ZNF827: variants seen among roughly 807,000 people sequenced by gnomAD.
ZNF827 encodes zinc finger protein 827.
ZNF827 carries 13 observed loss-of-function variants against 102.4 expected under a neutral mutation model. The ratio of observed to expected loss-of-function variants is 0.13; its 90% CI spans 0.08 to 0.20. The LOEUF (loss-of-function observed/expected upper bound fraction) is 0.20. Among genes scored for constraint, ZNF827 ranks in the 10% least tolerant of loss-of-function variants. The pLI is 1.00. For synonymous variants in ZNF827, 523 were observed against 536.2 expected (o/e 0.98, Z 0.34); for missense variants, 1,103 against 1,344.4 (o/e 0.82, Z 2.81).
chr4:145,784,829 G>C (rs1738616165), intron 8 of ZNF827, among the ~76,000 whole-genome samples: 1 of 151,916 alleles, frequency 6.6e-6, no homozygotes, highest in African/African-American at 2.4e-5. Context: ...ATTTCTTTTT[G>C]AAATACTTGT....
chr4:145,781,712 A>T (rs1444171760), intron 8 of ZNF827, among the ~76,000 whole-genome samples: 1 of 152,256 alleles, frequency 6.6e-6, no homozygotes, highest in Non-Finnish European at 1.5e-5. Context: ...GAGTCCACGC[A>T]GTGGGCATTT....
At chr4:145,786,597 G>C (rs1158022148) in intron 8 of ZNF827, among the ~76,000 whole-genome samples, 2 of 152,126 alleles carry the variant, frequency 1.3e-5, no homozygotes, top group East Asian at 1.9e-4. Flanking sequence ...AACCTACCAG[G>C]TCATTTTCCA....
At chr4:145,864,376 G>A (rs891650530) in intron 5 of ZNF827, among the ~76,000 whole-genome samples, 1 of 142,778 alleles carries the variant, frequency 7.0e-6, no homozygotes, top group African/African-American at 2.6e-5. Flanking sequence ...CTTGAGGCCA[G>A]GAGTTCAAGA....
chr4:145,897,962 C>G (rs1045994440), intron 2 of ZNF827, among the ~76,000 whole-genome samples: 1 of 152,120 alleles, frequency 6.6e-6, no homozygotes, highest in Non-Finnish European at 1.5e-5. Flanking sequence ...CGAGACCAGC[C>G]TTACTAACAT....
chr4:145,849,587 C>CAA, intron 5 of ZNF827, 26 bp from the exon 6 acceptor site: 1 of 1,610,574 alleles, frequency 6.2e-7, no homozygotes, highest in South Asian at 1.1e-5. Context: ...TGAAGAGAAA[C>CAA]AAAAACACCA....
At position 145,902,775 on chromosome 4, in the gene ZNF827, G is replaced by C. The variant is rs1210543246; in HGVS notation, c.484C>G (p.His162Asp). The change falls in exon 2 of 15, where the codon CAC becomes GAC. Residue 162 changes from histidine to aspartate, a missense_variant. Transcript: ENST00000508784. The surrounding 1 kb of genome is among the most constrained non-coding windows in gnomAD (Gnocchi z 4.3). ...GCCAGAACACTGAGCTGCTGGGCGT[G>C]GTGGGAAGGCGGGGAAAAGGAGAGG... Reference protein sequence around the residue: ...SNLSFSPPSHHAQQLSVLARK... With the variant: ...SNLSFSPPSHDAQQLSVLARK... 4 of 1,613,952 alleles carry C rather than the reference G, an allele frequency of 2.5e-6. No homozygotes were observed. The highest frequency in any genetic ancestry group is 1.3e-5 in the African/African-American group (1 of 74,874).
At chr4:145,812,603 C>T (rs1742139666) in intron 8 of ZNF827, among the ~76,000 whole-genome samples, 1 of 152,122 alleles carries the variant, frequency 6.6e-6, no homozygotes, top group Non-Finnish European at 1.5e-5. Context: ...TCTAGGCTCA[C>T]TGCAGCCTCT....
intron 1 of ZNF827, among the ~76,000 whole-genome samples, chr4:145,932,284 T>C (rs1316375974): frequency 2.0e-5 from 3 of 152,200 alleles, no homozygotes; most frequent in South Asian, 2.1e-4. Context: ...CCAATTTGCT[T>C]ATAAGTGACC....
At chr4:145,810,531 A>G (rs1475090260) in intron 8 of ZNF827, among the ~76,000 whole-genome samples, 1 of 152,244 alleles carries the variant, frequency 6.6e-6, no homozygotes, top group Non-Finnish European at 1.5e-5. Flanking sequence ...CCTTCTCCCA[A>G]TCCCTGTCCT....
intron 8 of ZNF827, among the ~76,000 whole-genome samples, chr4:145,785,545 A>G (rs979963507): frequency 2.6e-5 from 4 of 152,084 alleles, no homozygotes; most frequent in Non-Finnish European, 4.4e-5. Context: ...GTAACCCACA[A>G]CTGTTGCCCA....
chr4:145,813,507 G>C (rs1273510347), intron 8 of ZNF827, among the ~76,000 whole-genome samples: 2 of 146,522 alleles, frequency 1.4e-5, no homozygotes, highest in Middle Eastern at 3.2e-3. Flanking sequence ...CTAGGGGTCC[G>C]GGAATGTATC....
At chr4:145,771,620 AG>A (rs1736298856) in intron 11 of ZNF827, among the ~76,000 whole-genome samples, 1 of 152,224 alleles carries the variant, frequency 6.6e-6, no homozygotes, top group Non-Finnish European at 1.5e-5. Context: ...GAAGGTGAGG[AG>A]GGATCACTAA....
intron 5 of ZNF827, among the ~76,000 whole-genome samples, chr4:145,856,962 C>T (rs1034380729): frequency 8.2e-5 from 12 of 145,914 alleles, no homozygotes; most frequent in Admixed American, 4.1e-4. Context: ...CCTTCTTTCT[C>T]GCTCATGCGC....
chr4:145,929,520 C>T (rs1753656329), intron 1 of ZNF827, among the ~76,000 whole-genome samples: 1 of 152,090 alleles, frequency 6.6e-6, no homozygotes, highest in African/African-American at 2.4e-5. Context: ...AAACTCATTC[C>T]TGTAGTAAAA....
At chr4:145,803,134 G>C (rs532234362) in intron 8 of ZNF827, among the ~76,000 whole-genome samples, 1 of 151,466 alleles carries the variant, frequency 6.6e-6, no homozygotes, top group African/African-American at 2.4e-5. Flanking sequence ...TATATGTTTT[G>C]CATTGTTATT....
intron 5 of ZNF827, among the ~76,000 whole-genome samples, chr4:145,862,391 T>C (rs1036428508): frequency 3.3e-5 from 5 of 152,196 alleles, no homozygotes; most frequent in Non-Finnish European, 7.3e-5. Context: ...TTTTACCTTA[T>C]TAAAGTGATC....
At chr4:145,864,639 T>C (rs1579415454) in intron 5 of ZNF827, among the ~76,000 whole-genome samples, 1 of 151,964 alleles carries the variant, frequency 6.6e-6, no homozygotes, top group East Asian at 1.9e-4. Context: ...AAAAGCAGAA[T>C]ACTGGATTCA....
At chr4:145,855,368 G>C (rs1746976521) in intron 5 of ZNF827, among the ~76,000 whole-genome samples, 2 of 152,164 alleles carry the variant, frequency 1.3e-5, no homozygotes, top group African/African-American at 4.8e-5. Flanking sequence ...AGATACAAAG[G>C]TCTTGGATGG....
Position 145,845,066 on chromosome 4 carries a change from T to TA in ZNF827, c.2279+889dup, listed in dbSNP as rs1376941790. 2.0e-5 allele frequency among the ~76,000 whole-genome samples: 3 copies of TA among 152,326 alleles called. No homozygotes were observed. In the East Asian group the frequency reaches 5.8e-4, roughly 29 times the overall value. ...TTCTACTGTTCCTAGTTGTTCATCC[T>TA]AAAAATGTGTATTGCTCTTGATCAT... On this transcript the variant is annotated intron_variant, in intron 7 of 14. Coordinates refer to ENST00000508784, the MANE Select transcript of ZNF827 (RefSeq NM_001306215.2).
Sources: allele counts gnomAD v4.1 joint callset (sites outside exome capture counted in the v4.1 genomes callset), GRCh38; gene constraint gnomAD v4.1.1; non-coding constraint Gnocchi (gnomAD v3.1); transcripts MANE v1.5; gene names NCBI Gene and HGNC (gene_info 2026-07-23, HGNC 2026-07-21).